Variants in KIZ observed in about 807,000 individuals in gnomAD.
The protein encoded by KIZ is centrosomal protein kizuna.
A neutral mutation model predicts 79.6 loss-of-function variants in KIZ; 68 were observed. That is an observed-to-expected ratio of 0.85 (90% CI 0.70 to 1.05). KIZ has a LOEUF of 1.05. KIZ is among the 50% of genes least tolerant of loss of function. The pLI, the probability that KIZ is intolerant of heterozygous loss-of-function variation, is 0.00. For missense variants in KIZ, 797 were observed against 800.4 expected (o/e 1.00, Z 0.05); for synonymous variants, 280 against 281.8 (o/e 0.99, Z 0.06).
chr20:21,219,761 C>T (rs1448392059), intron 9 of KIZ, among the ~76,000 whole-genome samples: 1 of 152,210 alleles, frequency 6.6e-6, no homozygotes, highest in Non-Finnish European at 1.5e-5. Context: ...ATTTCCCTTT[C>T]TCATTTGCTT....
rs1049197176 is a variant in KIZ, at chr20:21,155,690, A to G, written c.406-6181A>G. 6.9e-4 allele frequency among the ~76,000 whole-genome samples: 105 copies of G among 152,210 alleles called. 1 individual carries two copies. Among genetic ancestry groups the G allele is most frequent in the Admixed American group, 3.3e-3 (50 of 15,274 alleles). On this transcript the variant is annotated intron_variant, in intron 4 of 12. Coordinates refer to ENST00000619189, the MANE Select transcript of KIZ (RefSeq NM_018474.6). ...AAAGGATAAGTTTTATGGTATGTGA[A>G]TTATATCTCAGTAAAATGGTTTTCA...
At chr20:21,244,312 G>A in intron 12 of KIZ, 24 bp downstream of exon 12, 2 of 1,558,154 alleles carry the variant, frequency 1.3e-6, no homozygotes, top group Non-Finnish European at 1.8e-6. Flanking sequence ...TCGGACACTA[G>A]ATTTTCTTTT....
intron 6 of KIZ, 138 bp downstream of exon 6, chr20:21,163,297 G>T: frequency 5.2e-6 from 3 of 580,096 alleles, no homozygotes; most frequent in Non-Finnish European, 8.9e-6. Context: ...TAATCTTGTA[G>T]GCAAGACCTA....
At chr20:21,176,475 T>C (rs2034438756) in intron 6 of KIZ, among the ~76,000 whole-genome samples, 1 of 151,920 alleles carries the variant, frequency 6.6e-6, no homozygotes, top group Non-Finnish European at 1.5e-5. Flanking sequence ...AAACCTCAGC[T>C]TGAAGGCCTG....
intron 6 of KIZ, among the ~76,000 whole-genome samples, chr20:21,173,249 AGTG>A (rs2034293288): frequency 6.6e-6 from 1 of 152,096 alleles, no homozygotes; most frequent in Non-Finnish European, 1.5e-5. Flanking sequence ...GGTGGTAAGA[AGTG>A]GTCAGATTCT....
At chr20:21,134,961 C>T (rs1000597259) in intron 2 of KIZ, among the ~76,000 whole-genome samples, 1 of 152,176 alleles carries the variant, frequency 6.6e-6, no homozygotes, top group Non-Finnish European at 1.5e-5. Context: ...ACCCCCATGC[C>T]CGACCCATCT....
intron 3 of KIZ, among the ~76,000 whole-genome samples, chr20:21,143,322 C>T (rs976320977): frequency 1.3e-5 from 2 of 151,470 alleles, no homozygotes; most frequent in Admixed American, 1.3e-4. Flanking sequence ...CCCTGAAAAA[C>T]AATGAAAAAG....
intron 4 of KIZ, chr20:21,158,524 C>T (rs2033494120): frequency 6.6e-6 from 1 of 152,178 alleles, no homozygotes; most frequent in African/African-American, 2.4e-5. Context: ...AATTATGGTA[C>T]ATCTATAGAA....
intron 3 of KIZ, 23 bp downstream of exon 3, chr20:21,136,575 GTTTTA>G: frequency 6.9e-7 from 1 of 1,452,058 alleles, no homozygotes; most frequent in Non-Finnish European, 9.2e-7. Context: ...TTTTTACTGT[GTTTTA>G]TTTTATTTGT....
Position 21,162,498 on chromosome 20 carries a change from G to A in KIZ, c.1033G>A (p.Gly345Ser). ...WSQEKHSPWE[G>S]VSDHLAHREP... ...TCAAGAGAAGCATTCTCCTTGGGAAGGTGTTTCAGGTGGGATGAGAGGCTG... is the reference window on the plus strand; with the variant it reads ...TCAAGAGAAGCATTCTCCTTGGGAAAGTGTTTCAGGTGGGATGAGAGGCTG... The change falls in exon 5 of 13, where the codon GGT (glycine) becomes AGT (serine). Residue 345 changes from glycine (G) to serine (S), a missense_variant. Gly to Ser is a moderately conservative substitution (Grantham distance 56). Coordinates refer to ENST00000619189, the MANE Select transcript of KIZ (RefSeq NM_018474.6). The A allele has an allele frequency of 6.2e-7, 1 of 1,609,766 alleles. No individual in the cohort carries two copies. The highest frequency in any genetic ancestry group is 1.3e-5 in the African/African-American group (1 of 74,838).
Position 21,161,918 on chromosome 20 carries a change from A to T in KIZ, c.453A>T (p.Gly151=). The change falls in exon 5 of 13, where the codon GGA becomes GGT. Residue 151 remains glycine (G), a synonymous_variant. Transcript: ENST00000619189. The stretch of plus-strand genomic sequence containing the variant: ...ACTCAGGAACAGCCATGTCAAGAGG[A>T]TTGTATCAACCAGCAACAATCTTTA... ...GINSGTAMSR[G]LYQPATIFMG... is the part of the protein sequence containing the mutation. 6.2e-7 allele frequency: 1 copy of T among 1,613,572 alleles called. No individual in the cohort carries two copies. The highest frequency in any genetic ancestry group is 8.5e-7 in the Non-Finnish European group (1 of 1,179,530).
chr20:21,241,740 C>T (rs954093244), intron 11 of KIZ, among the ~76,000 whole-genome samples: 4 of 152,168 alleles, frequency 2.6e-5, no homozygotes, highest in East Asian at 1.9e-4. Context: ...GGGTCACCTC[C>T]GTGGTGGGAC....
intron 6 of KIZ, among the ~76,000 whole-genome samples, chr20:21,169,695 C>T (rs1229613331): frequency 6.6e-6 from 1 of 152,140 alleles, no homozygotes; most frequent in Non-Finnish European, 1.5e-5. Context: ...AATAGTTTCT[C>T]TACTTGAAAA....
chr20:21,246,399 G>C, intron 12 of KIZ, 80 bp from the exon 13 acceptor site: 1 of 836,392 alleles, frequency 1.2e-6, no homozygotes, highest in Non-Finnish European at 2.0e-6. Flanking sequence ...TGCTTAACCA[G>C]TCCTTCCGTG....
intron 6 of KIZ, among the ~76,000 whole-genome samples, chr20:21,168,812 GACAAAA>G (rs1177429491): frequency 1.3e-5 from 2 of 152,146 alleles, no homozygotes; most frequent in African/African-American, 4.8e-5. Context: ...TGACAAACCT[GACAAAA>G]ACAAGCAATG....
At chr20:21,237,442 C>T (rs768735730) in intron 11 of KIZ, among the ~76,000 whole-genome samples, 1 of 152,150 alleles carries the variant, frequency 6.6e-6, no homozygotes. Context: ...CTGACACCCA[C>T]CTCTGCTGCC....
chr20:21,240,802 A>G (rs1480423859), intron 11 of KIZ, among the ~76,000 whole-genome samples: 2 of 152,264 alleles, frequency 1.3e-5, no homozygotes, highest in Non-Finnish European at 2.9e-5. Context: ...GGTATATGAA[A>G]TTCAAATTTC....
chr20:21,192,008 C>T (rs991254913), intron 6 of KIZ, among the ~76,000 whole-genome samples: 4 of 152,024 alleles, frequency 2.6e-5, no homozygotes, highest in Admixed American at 1.3e-4. Flanking sequence ...CAGCTTCTGC[C>T]GGCGGGGAGG....
At chr20:21,172,161 T>C (rs1167921706) in intron 6 of KIZ, among the ~76,000 whole-genome samples, 4 of 152,178 alleles carry the variant, frequency 2.6e-5, no homozygotes, top group Non-Finnish European at 5.9e-5. Context: ...TATTAGTCTA[T>C]AGATAACGAG....
Sources: allele counts gnomAD v4.1 joint callset (sites outside exome capture counted in the v4.1 genomes callset), GRCh38; gene constraint gnomAD v4.1.1; transcripts MANE v1.5; gene names NCBI Gene and HGNC (gene_info 2026-07-23, HGNC 2026-07-21).